BLOC1S3: variants seen among roughly 807,000 people sequenced by gnomAD.
BLOC1S3 encodes biogenesis of lysosomal organelles complex 1 subunit 3, also known as biogenesis of lysosome-related organelles complex 1 subunit 3.
In BLOC1S3, 7 loss-of-function variants were observed where a neutral mutation model predicts 9.1. The observed-to-expected ratio is 0.77, with a 90% CI of 0.44 to 1.45. The LOEUF is 1.45. Ranked by LOEUF, BLOC1S3 falls within the 40% of genes most tolerant of loss-of-function variation. The pLI is 0.01. For synonymous variants in BLOC1S3, 145 were observed against 158.4 expected, an observed-to-expected ratio of 0.92 and a Z score of 0.64; for missense variants, 307 against 315.2, an observed-to-expected ratio of 0.97 and a Z score of 0.20.
chr19:45,208,871 C>A (rs959937161), intron 3 of BLOC1S3, among the ~76,000 whole-genome samples: 1 of 151,332 alleles, frequency 6.6e-6, no homozygotes, highest in Non-Finnish European at 1.5e-5. Context: ...AATAACATAT[C>A]AAAATACATG....
At chr19:45,216,724 C>T (rs1309715880) in exon 4 of BLOC1S3, 1 of 152,604 alleles carries the variant, frequency 6.6e-6, no homozygotes, top group African/African-American at 2.4e-5. Flanking sequence ...ACCTCTTCCA[C>T]GTCTGCAAAA....
Position 45,179,799 on chromosome 19 carries a change from G to C in BLOC1S3, c.503G>C (p.Cys168Ser). The C allele has an allele frequency of 6.3e-7, 1 of 1,599,688 alleles. No individual in the cohort carries two copies. Among genetic ancestry groups the C allele is most frequent in the South Asian group, 1.1e-5 (1 of 90,390 alleles). Residue 168 changes from cysteine to serine, a missense_variant, in exon 2 of 2, where the codon TGT becomes TCT. Transcript: ENST00000433642. The surrounding 1 kb of genome is among the most constrained non-coding windows in gnomAD (Gnocchi z 4.6). ...HSVRLARGDL[C>S]ALAERLDIVA... ...GTGCGCCTGGCGCGCGGGGACCTTT[G>C]TGCGCTGGCCGAGCGTCTGGACATC...
Position 45,179,326 on chromosome 19 carries a change from C to G in BLOC1S3, c.30C>G (p.Pro10=). 1 of 1,585,534 alleles carries G rather than the reference C, an allele frequency of 6.3e-7. No homozygotes were observed. Among genetic ancestry groups the G allele is most frequent in the Non-Finnish European group, 8.5e-7 (1 of 1,174,540 alleles). MASQGRRRR[P]LRRPETVVPG... is the part of the protein sequence containing the mutation. ...CGTCCCAGGGTCGTCGGCGGAGGCC[C>G]CTGCGGAGGCCGGAGACGGTGGTGC... Residue 10 remains proline (P), a synonymous_variant, in exon 2 of 2, where the codon CCC becomes CCG. Transcript: ENST00000433642. This position sits in a 1 kb window ranked among gnomAD's most constrained non-coding sequence, Gnocchi z 4.6.
At chr19:45,189,705 G>T (rs745760540) in intron 2 of BLOC1S3, among the ~76,000 whole-genome samples, 3 of 151,738 alleles carry the variant, frequency 2.0e-5, no homozygotes, top group Non-Finnish European at 1.5e-5. Context: ...CAAAGTGTTG[G>T]GATTACAGGC....
At chr19:45,195,571 C>T (rs1162032317) in intron 2 of BLOC1S3, among the ~76,000 whole-genome samples, 2 of 145,048 alleles carry the variant, frequency 1.4e-5, no homozygotes, top group Non-Finnish European at 3.0e-5. Context: ...CCCTCCCTCC[C>T]TCCCTCCCTC....
downstream of BLOC1S3, among the ~76,000 whole-genome samples, chr19:45,183,224 A>T (rs368985487): frequency 5.0e-3 from 753 of 151,996 alleles, 6 homozygotes; most frequent in African/African-American, 0.018. Flanking sequence ...TCACGCCTGT[A>T]ATTCCAGCAC....
chr19:45,187,000 C>T (rs553403872), upstream of BLOC1S3, among the ~76,000 whole-genome samples: 14 of 152,326 alleles, frequency 9.2e-5, no homozygotes, highest in South Asian at 1.0e-3. Flanking sequence ...TATTTGTTGA[C>T]TTAATGAATG....
intron 2 of BLOC1S3, among the ~76,000 whole-genome samples, chr19:45,201,764 T>C (rs1255333672): frequency 1.3e-5 from 2 of 151,736 alleles, no homozygotes; most frequent in African/African-American, 4.8e-5. Context: ...GCTCCCATAA[T>C]TCCCCTATGT....
downstream of BLOC1S3, among the ~76,000 whole-genome samples, chr19:45,184,715 A>G (rs998802836): frequency 3.9e-5 from 6 of 151,996 alleles, no homozygotes; most frequent in African/African-American, 1.2e-4. Flanking sequence ...CCTGGCTAAC[A>G]TGGTGAAACC....
chr19:45,214,087 G>A (rs1969808133), intron 3 of BLOC1S3, among the ~76,000 whole-genome samples: 2 of 152,068 alleles, frequency 1.3e-5, no homozygotes, highest in Non-Finnish European at 2.9e-5. Context: ...ACAGATTCAA[G>A]TTCTGACTCA....
At chr19:45,208,308 T>C (rs1354863590) in intron 3 of BLOC1S3, among the ~76,000 whole-genome samples, 1 of 151,988 alleles carries the variant, frequency 6.6e-6, no homozygotes, top group Non-Finnish European at 1.5e-5. Flanking sequence ...TATAATCTCT[T>C]AGAAATAAAA....
downstream of BLOC1S3, among the ~76,000 whole-genome samples, chr19:45,182,785 T>G (rs896291732): frequency 1.3e-5 from 2 of 152,110 alleles, no homozygotes; most frequent in African/African-American, 4.8e-5. Context: ...CCCAAAGGGC[T>G]AGGATTACAG....
intron 3 of BLOC1S3, chr19:45,212,493 G>C (rs1003515089): frequency 6.5e-6 from 1 of 152,838 alleles, no homozygotes; most frequent in African/African-American, 2.4e-5. Context: ...GAGACTTCCA[G>C]AACGACACTC....
intron 3 of BLOC1S3, among the ~76,000 whole-genome samples, chr19:45,211,144 A>C (rs1188616501): frequency 6.6e-6 from 1 of 151,984 alleles, no homozygotes; most frequent in Non-Finnish European, 1.5e-5. Context: ...TATGGACTGC[A>C]CAATATTGTT....
Position 45,179,415 on chromosome 19 carries a change from A to C in BLOC1S3, c.119A>C (p.Tyr40Ser). The C allele has an allele frequency of 6.4e-7, 1 of 1,554,648 alleles. No individual in the cohort carries two copies. The highest frequency in any genetic ancestry group is 8.6e-7 in the Non-Finnish European group (1 of 1,157,818). ...TCCTCGTCGGAGGAGGAGGAGCTGT[A>C]CCTGGGTCCTTCGGGCCCGACGCGC... Reference protein sequence around the residue: ...SASSSEEEELYLGPSGPTRGR... With the variant: ...SASSSEEEELSLGPSGPTRGR... Residue 40 changes from tyrosine (Y) to serine (S), a missense_variant, in exon 2 of 2, where the codon TAC becomes TCC. By Grantham distance (144) the Tyr-to-Ser change is moderately radical (BLOSUM62 -2). Coordinates refer to ENST00000433642, the MANE Select transcript of BLOC1S3 (RefSeq NM_212550.5). The surrounding 1 kb of genome is among the most constrained non-coding windows in gnomAD (Gnocchi z 4.6).
chr19:45,194,678 C>T (rs1239306471), intron 2 of BLOC1S3, among the ~76,000 whole-genome samples: 1 of 152,088 alleles, frequency 6.6e-6, no homozygotes, highest in African/African-American at 2.4e-5. Flanking sequence ...GAATGTATCT[C>T]ACAAGCATAA....
chr19:45,185,307 A>C (rs770549503), downstream of BLOC1S3, among the ~76,000 whole-genome samples: 1 of 152,164 alleles, frequency 6.6e-6, no homozygotes, highest in Non-Finnish European at 1.5e-5. Flanking sequence ...CAGGGAAACC[A>C]CAGAGTAGAT....
downstream of BLOC1S3, among the ~76,000 whole-genome samples, chr19:45,182,329 C>T (rs998926571): frequency 8.5e-5 from 13 of 152,076 alleles, no homozygotes; most frequent in African/African-American, 2.7e-4. Context: ...GACCCAAGAT[C>T]GTGCCACTGC....
rs71173123 is a variant in BLOC1S3, at chr19:45,193,132, CAAAAAAAAAAA to C, written n.180+5410_180+5420del. Among the ~76,000 whole-genome samples, 14 of 77,960 alleles carry C rather than the reference CAAAAAAAAAAA, an allele frequency of 1.8e-4. No individual in the cohort carries two copies. In the East Asian group the frequency reaches 3.7e-3, roughly 21 times the overall value. The allele number at this position is 77,960 out of a possible 152,430, so 51.1% of individuals were successfully genotyped here. A position where few individuals can be genotyped will look rare whatever the true frequency, so the allele number is the denominator to read the frequency against. ...GGGCAACAAGAGCAAAACTCCGTCT[CAAAAAAAAAAA>C]AAAAAAAAAAAAAAAAAGAGACTAT... is the stretch of plus-strand genomic sequence containing the variant. On this transcript the variant is annotated intron_variant and non_coding_transcript_variant, in intron 2 of 3. Transcript: ENST00000591569.
Sources: gnomAD v4.1 joint callset for allele counts (sites outside exome capture counted in the v4.1 genomes callset) on GRCh38, gnomAD v4.1.1 for gene constraint, Gnocchi (gnomAD v3.1) non-coding constraint, MANE v1.5 for transcripts, NCBI Gene and HGNC (gene_info 2026-07-23, HGNC 2026-07-21) for gene names.